The following RSPH14 variants were observed in gnomAD, a reference collection of about 807,000 sequenced individuals.
RSPH14 encodes rhabdoid tumor deletion region gene 1.
A neutral mutation model predicts 26.7 loss-of-function variants in RSPH14; 20 were observed. That is an observed-to-expected ratio of 0.75 (90% CI 0.53 to 1.09). RSPH14 has a LOEUF of 1.09. Among genes scored for constraint, RSPH14 ranks in the 50% least tolerant of loss-of-function variants. RSPH14 has a pLI of 0.00. For missense variants in RSPH14, 449 were observed against 457.2 expected, an observed-to-expected ratio of 0.98 and a Z score of 0.16; for synonymous variants, 177 against 189.3, an observed-to-expected ratio of 0.93 and a Z score of 0.53.
At chr22:23,149,500 T>C (rs577152685), upstream of RSPH14, among the ~76,000 whole-genome samples, 1 of 152,168 alleles carries the variant, frequency 6.6e-6, no homozygotes, top group African/African-American at 2.4e-5. Context: ...TCCAGGCACA[T>C]GTATGCATGT....
intron 4 of RSPH14, among the ~76,000 whole-genome samples, chr22:23,086,782 T>C (rs1355702452): frequency 6.6e-6 from 1 of 152,138 alleles, no homozygotes; most frequent in Non-Finnish European, 1.5e-5. Context: ...GGAGCCCACT[T>C]CCCACTGGGT....
At position 23,059,476 on chromosome 22, in the gene RSPH14, C is replaced by G. The variant is rs761628902; in HGVS notation, c.1033G>C (p.Glu345Gln). 1.9e-6 allele frequency: 3 copies of G among 1,609,554 alleles called. No individual in the cohort carries two copies. The highest frequency in any genetic ancestry group is 2.5e-6 in the Non-Finnish European group (3 of 1,177,002). Residue 345 changes from glutamate to glutamine, a missense_variant, in exon 7 of 7, where the codon GAG becomes CAG. By Grantham distance (29) the Glu-to-Gln change is conservative. Transcript: ENST00000216036. ...RAARIAISVI[E>Q]FKP Reference sequence around the variant, plus strand: ...GAATGAAGGGCTCAGGGTTTGAACTCGATGACACTGATGGCGATCCGGGCT... The same window carrying G: ...GAATGAAGGGCTCAGGGTTTGAACTGGATGACACTGATGGCGATCCGGGCT...
chr22:23,142,047 G>GCGGCGC (rs1329479658), upstream of RSPH14: 1 of 985,354 alleles, frequency 1.0e-6, no homozygotes, highest in Non-Finnish European at 1.2e-6. Context: ...AGCAGCGTCC[G>GCGGCGC]CGGCGCCGCG....
chr22:23,063,028 C>A (rs1240939700), intron 5 of RSPH14, among the ~76,000 whole-genome samples: 1 of 152,176 alleles, frequency 6.6e-6, no homozygotes, highest in Non-Finnish European at 1.5e-5. Flanking sequence ...GGATGGTGGT[C>A]ACAGTGGACA....
the RSPH14 span, among the ~76,000 whole-genome samples, chr22:23,151,095 G>A: frequency 6.6e-6 from 1 of 152,256 alleles, no homozygotes; most frequent in Non-Finnish European, 1.5e-5. Flanking sequence ...TGAGCTCACA[G>A]GGGTCACAGA....
intron 4 of RSPH14, among the ~76,000 whole-genome samples, chr22:23,069,260 T>C (rs923919870): frequency 6.6e-6 from 1 of 152,054 alleles, no homozygotes; most frequent in African/African-American, 2.4e-5. Flanking sequence ...AAGAATGGCA[T>C]GATCCACACC....
At chr22:23,124,201 G>GTT (rs375972134) in intron 4 of RSPH14, 46 of 181,510 alleles carry the variant, frequency 2.5e-4, no homozygotes, top group Admixed American at 2.6e-4. Context: ...TTTTTTTTTT[G>GTT]TTTTGTTTTT....
intron 4 of RSPH14, among the ~76,000 whole-genome samples, chr22:23,098,235 C>G (rs2069180682): frequency 6.6e-6 from 1 of 152,252 alleles, no homozygotes; most frequent in Non-Finnish European, 1.5e-5. Context: ...CAGCCTTAAG[C>G]TTGTAATGAT....
At chr22:23,060,153 C>T (rs2068062292) in intron 6 of RSPH14, among the ~76,000 whole-genome samples, 1 of 152,010 alleles carries the variant, frequency 6.6e-6, no homozygotes, top group Admixed American at 6.5e-5. Flanking sequence ...GCCTGGGTGA[C>T]ACACTGAGAC....
intron 4 of RSPH14, among the ~76,000 whole-genome samples, chr22:23,081,724 AG>A (rs770332089): frequency 1.3e-4 from 20 of 149,006 alleles, no homozygotes; most frequent in Non-Finnish European, 2.2e-4. Flanking sequence ...TGGGAGGCTG[AG>A]GCAGGAGAAT....
chr22:23,171,021 G>A, the RSPH14 span, among the ~76,000 whole-genome samples: 1 of 151,878 alleles, frequency 6.6e-6, no homozygotes, highest in Non-Finnish European at 1.5e-5. Context: ...AGGCTGGAGT[G>A]CAGTAGTGCA....
At chr22:23,155,314 G>A in the RSPH14 span, among the ~76,000 whole-genome samples, 1 of 152,088 alleles carries the variant, frequency 6.6e-6, no homozygotes, top group East Asian at 1.9e-4. Flanking sequence ...ATCTCAGTAG[G>A]TGCTCTTTCC....
intron 4 of RSPH14, among the ~76,000 whole-genome samples, chr22:23,130,028 G>A (rs1256346943): frequency 6.8e-6 from 1 of 146,234 alleles, no homozygotes; most frequent in Non-Finnish European, 1.5e-5. Flanking sequence ...AGGAAAGAAA[G>A]AAAGGGAAGG....
In RSPH14 at chr22:23,064,148, A is replaced by G. The variant is rs1358877029; in HGVS notation, c.422-15T>C. 2.5e-6 allele frequency: 4 copies of G among 1,612,246 alleles called. No homozygotes were observed. The East Asian group carries it at 8.9e-5, about 36-fold the overall frequency. ...CTCTTGGGCCCCTACAAGGCAGGAA[A>G]GGGCACTGAGGGCGGGCTGGCCACA... On this transcript the variant is annotated splice_polypyrimidine_tract_variant and intron_variant, in intron 4 of 6. Transcript: ENST00000216036.
At chr22:23,173,973 G>T in the RSPH14 span, among the ~76,000 whole-genome samples, 1 of 152,088 alleles carries the variant, frequency 6.6e-6, no homozygotes. Flanking sequence ...GCCTCCCAAA[G>T]TGCTGGGATT....
At chr22:23,095,316 C>T in intron 4 of RSPH14, 2 of 251,522 alleles carry the variant, frequency 8.0e-6, no homozygotes, top group Non-Finnish European at 1.6e-5. Flanking sequence ...GACCGGCCCT[C>T]CAACCCTCCA....
At chr22:23,069,405 C>A (rs2068284803) in intron 4 of RSPH14, among the ~76,000 whole-genome samples, 1 of 152,210 alleles carries the variant, frequency 6.6e-6, no homozygotes, top group Non-Finnish European at 1.5e-5. Flanking sequence ...TGTCTTGGCC[C>A]TCTGGCTTGA....
At chr22:23,152,443 C>G in the RSPH14 span, 7 of 1,614,008 alleles carry the variant, frequency 4.3e-6, no homozygotes, top group Non-Finnish European at 5.9e-6. Flanking sequence ...GACGGCAACA[C>G]GGCCATATTT....
chr22:23,180,596 C>T, the RSPH14 span: 1 of 161,188 alleles, frequency 6.2e-6, no homozygotes, highest in Non-Finnish European at 1.2e-5. Flanking sequence ...GGCGGCACGG[C>T]GGCGGCGGGG....
Sources: allele counts gnomAD v4.1 joint callset (sites outside exome capture counted in the v4.1 genomes callset), GRCh38; gene constraint gnomAD v4.1.1; transcripts MANE v1.5; gene names NCBI Gene and HGNC (gene_info 2026-07-23, HGNC 2026-07-21).